Variants in MARCHF1 observed in about 807,000 individuals in gnomAD.
MARCHF1 encodes the protein E3 ubiquitin-protein ligase MARCHF1.
In MARCHF1, 40 loss-of-function variants were observed where a neutral mutation model predicts 54.2. The ratio of observed to expected loss-of-function variants is 0.74; its 90% CI spans 0.57 to 0.96. The LOEUF (loss-of-function observed/expected upper bound fraction) is 0.96, where lower values mean the gene tolerates loss of function less well. MARCHF1 is among the 40% of genes least tolerant of loss of function. MARCHF1 has a pLI of 0.00. For missense variants in MARCHF1, 586 were observed against 656.5 expected (o/e 0.89, Z 1.17); for synonymous variants, 236 against 236.3 (o/e 1.00, Z 0.01).
chr4:163,970,034 C>T (rs934871773), intron 3 of MARCHF1, among the ~76,000 whole-genome samples: 1 of 152,088 alleles, frequency 6.6e-6, no homozygotes, highest in Non-Finnish European at 1.5e-5. Context: ...AGAGCTAAAG[C>T]CATTAGATCT....
At chr4:163,975,922 G>T (rs930633742) in intron 3 of MARCHF1, among the ~76,000 whole-genome samples, 65 of 152,178 alleles carry the variant, frequency 4.3e-4, no homozygotes, top group African/African-American at 1.5e-3. Flanking sequence ...GGATTGGATA[G>T]AGTCAGTACA....
intron 1 of MARCHF1, among the ~76,000 whole-genome samples, chr4:164,288,597 TAG>T (rs1734208455): frequency 4.6e-5 from 7 of 151,778 alleles, no homozygotes; most frequent in Admixed American, 4.6e-4. Context: ...ATGGGAAAAA[TAG>T]AAAGTCATCA....
chr4:164,234,689 T>C (rs1014259572), intron 1 of MARCHF1: 3 of 152,134 alleles, frequency 2.0e-5, no homozygotes, highest in Non-Finnish European at 4.4e-5. Flanking sequence ...CCTTAATCTC[T>C]TAAATCCACA....
At chr4:163,671,652 C>T (rs2111131989) in intron 5 of MARCHF1, among the ~76,000 whole-genome samples, 1 of 151,590 alleles carries the variant, frequency 6.6e-6, no homozygotes, top group Non-Finnish European at 1.5e-5. Flanking sequence ...GCTATATTTT[C>T]TTATATGTGT....
chr4:164,084,482 C>A (rs1475032651), intron 2 of MARCHF1, among the ~76,000 whole-genome samples: 1 of 151,628 alleles, frequency 6.6e-6, no homozygotes, highest in East Asian at 1.9e-4. Context: ...CCACATTTTC[C>A]ATGCTTTAGA....
intron 2 of MARCHF1, among the ~76,000 whole-genome samples, chr4:164,017,836 CAA>C (rs35073711): frequency 1.4e-5 from 2 of 138,082 alleles, no homozygotes; most frequent in East Asian, 2.1e-4. Flanking sequence ...CCTAAATTAG[CAA>C]AAAAAAAAAA....
At chr4:163,575,509 G>A (rs1317346644) in intron 8 of MARCHF1, among the ~76,000 whole-genome samples, 1 of 151,920 alleles carries the variant, frequency 6.6e-6, no homozygotes, top group African/African-American at 2.4e-5. Context: ...CTGGGCTGTA[G>A]TTTTCTTTTT....
chr4:163,527,956 C>T lies in MARCHF1; in HGVS notation c.*792G>A, dbSNP rs1133505. 62,196 of 152,180 alleles carry T rather than the reference C, an allele frequency of 0.41. 13,562 individuals are homozygous for T. Among genetic ancestry groups the T allele is most frequent in the Admixed American group, 0.54 (8,217 of 15,236 alleles). The allele number at this position is 152,180 out of a possible 1,614,324, so 9.4% of individuals were successfully genotyped here. ...GGGCTACTGGGAAGTTAAATATTTGCATCTGTGGCCTGCATTTGTGGCTGT... is the reference window on the plus strand; with the variant it reads ...GGGCTACTGGGAAGTTAAATATTTGTATCTGTGGCCTGCATTTGTGGCTGT... On this transcript the variant is annotated 3_prime_UTR_variant, in exon 10 of 10. Coordinates refer to ENST00000514618, the MANE Select transcript of MARCHF1 (RefSeq NM_001394959.1).
At chr4:164,231,367 T>C (rs1732409892) in intron 1 of MARCHF1, among the ~76,000 whole-genome samples, 1 of 152,188 alleles carries the variant, frequency 6.6e-6, no homozygotes. Context: ...TTTATTTTTT[T>C]ATGGCATGCT....
chr4:164,333,706 G>A (rs1000699461), intron 1 of MARCHF1, among the ~76,000 whole-genome samples: 4 of 152,304 alleles, frequency 2.6e-5, no homozygotes, highest in African/African-American at 7.2e-5. Context: ...AAGTGTTTAA[G>A]AGAAAGGGTC....
intron 9 of MARCHF1, 51 bp downstream of exon 9, chr4:163,545,545 T>G: frequency 6.4e-6 from 10 of 1,570,950 alleles, no homozygotes; most frequent in African/African-American, 1.4e-5. Flanking sequence ...TATCCACCTC[T>G]GAGTATTGTC....
intron 1 of MARCHF1, among the ~76,000 whole-genome samples, chr4:164,234,346 A>G (rs1009754424): frequency 6.6e-6 from 1 of 152,162 alleles, no homozygotes; most frequent in Non-Finnish European, 1.5e-5. Flanking sequence ...GGCTGGAAAG[A>G]TATAATGCAA....
At chr4:163,912,134 C>CGA (rs1401503358) in intron 3 of MARCHF1, among the ~76,000 whole-genome samples, 4 of 150,252 alleles carry the variant, frequency 2.7e-5, no homozygotes, top group Non-Finnish European at 5.9e-5. Context: ...GGGAAAAAAA[C>CGA]GAGAGAGAGA....
intron 2 of MARCHF1, among the ~76,000 whole-genome samples, chr4:164,064,380 G>C (rs924503107): frequency 6.6e-6 from 1 of 151,718 alleles, no homozygotes; most frequent in Non-Finnish European, 1.5e-5. Context: ...TCCTTCACCT[G>C]TATTCCTAGA....
At chr4:163,872,241 T>C (rs993014881) in intron 3 of MARCHF1, among the ~76,000 whole-genome samples, 1 of 152,202 alleles carries the variant, frequency 6.6e-6, no homozygotes, top group Non-Finnish European at 1.5e-5. Flanking sequence ...GTGTGTCACC[T>C]TGAAGTGAAA....
rs535494067 is a variant in MARCHF1 at position 163,953,291 on chromosome 4, C to A, written c.-39+35210G>T. On this transcript the variant is annotated intron_variant, in intron 3 of 9. Transcript: ENST00000514618. ...CAATGTAAAATATTTCAGGATTTGG[C>A]GTCAGACTTGGATTATTTCTACCCA... is the stretch of plus-strand genomic sequence containing the variant. Among the ~76,000 whole-genome samples the A allele has an allele frequency of 4.6e-5, 7 of 152,206 alleles. No individual in the cohort carries two copies. The South Asian group carries it at 6.2e-4, about 14-fold the overall frequency.
chr4:164,184,868 A>C (rs1730927177), intron 1 of MARCHF1, among the ~76,000 whole-genome samples: 1 of 152,228 alleles, frequency 6.6e-6, no homozygotes, highest in Non-Finnish European at 1.5e-5. Context: ...TTGTCTAAAA[A>C]TATTGGTACA....
intron 4 of MARCHF1, 131 bp downstream of exon 4, chr4:163,853,890 T>C (rs1376546523): frequency 3.1e-6 from 2 of 653,324 alleles, no homozygotes; most frequent in African/African-American, 3.6e-5. Context: ...TATATGAATA[T>C]ATTATATAAT....
rs1421393609 is a variant in MARCHF1, at chr4:164,335,561, A to G, written c.-323+48309T>C. Among the ~76,000 whole-genome samples, 4 of 148,966 alleles carry G rather than the reference A, an allele frequency of 2.7e-5. No homozygotes were observed. The South Asian group carries it at 6.5e-4, about 24-fold the overall frequency. ...TGTGCCACTGCACTCCAGCCTGAGC[A>G]ACAAAGCGAGACTCCATCTCAAAAA... On this transcript the variant is annotated intron_variant, in intron 1 of 9. Coordinates refer to ENST00000514618, the MANE Select transcript of MARCHF1 (RefSeq NM_001394959.1).
Sources: gnomAD v4.1 joint callset for allele counts (sites outside exome capture counted in the v4.1 genomes callset) on GRCh38, gnomAD v4.1.1 for gene constraint, MANE v1.5 for transcripts, NCBI Gene and HGNC (gene_info 2026-07-23, HGNC 2026-07-21) for gene names.